Variants in PDIA4 observed in about 807,000 individuals in gnomAD.
The protein encoded by PDIA4 is protein disulfide isomerase family A member 4, also known as protein disulfide-isomerase A4.
In PDIA4, 33 loss-of-function variants were observed where a neutral mutation model predicts 62.1. The observed-to-expected ratio is 0.53, with a 90% CI of 0.40 to 0.71. PDIA4 has a LOEUF of 0.71. PDIA4 is among the 30% of genes least tolerant of loss of function. The pLI is 0.00. For missense variants in PDIA4, 804 were observed against 813.6 expected (o/e 0.99, Z 0.14); for synonymous variants, 341 against 324.1 (o/e 1.05, Z -0.56).
intron 1 of PDIA4, among the ~76,000 whole-genome samples, chr7:149,024,075 C>T (rs762435527): frequency 3.9e-5 from 6 of 152,086 alleles, no homozygotes; most frequent in African/African-American, 1.4e-4. Context: ...GGCAAAACCC[C>T]GTCTTTACTA....
chr7:149,012,938 G>A (rs1433401471), intron 4 of PDIA4, among the ~76,000 whole-genome samples: 3 of 152,084 alleles, frequency 2.0e-5, no homozygotes, highest in African/African-American at 4.8e-5. Flanking sequence ...TCAGTATTGC[G>A]TCACACAGCC....
chr7:149,014,421 C>G (rs1337833004), intron 4 of PDIA4, among the ~76,000 whole-genome samples: 1 of 152,146 alleles, frequency 6.6e-6, no homozygotes, highest in African/African-American at 2.4e-5. Flanking sequence ...ACAGATGGTA[C>G]CCTGGGCCGT....
intron 4 of PDIA4, among the ~76,000 whole-genome samples, chr7:149,012,629 G>T (rs1372928808): frequency 6.6e-6 from 1 of 152,134 alleles, no homozygotes; most frequent in Non-Finnish European, 1.5e-5. Context: ...TAGTAACTGC[G>T]GCACAGGGGA....
chr7:149,028,253 C>A (rs1180013715), intron 1 of PDIA4, 68 bp downstream of exon 1: 6 of 1,210,136 alleles, frequency 5.0e-6, no homozygotes, highest in Non-Finnish European at 4.5e-6. Context: ...GGTCGCAGGG[C>A]CCAGGCCCCC....
At position 149,028,364 on chromosome 7, in the gene PDIA4, C is replaced by T; in HGVS notation, c.45G>A (p.Leu15=). The change falls in exon 1 of 10, where the codon CTG becomes CTA. Residue 15 remains leucine, a synonymous_variant. Coordinates refer to ENST00000652332, the MANE Select transcript of PDIA4 (RefSeq NM_004911.5). ...KAFLLLLLLG[L]VQLLAVAGAE... ...CACCCGCCACGGCCAGCAGCTGCAC[C>T]AGCCCCAAGAGCAGCAGGAGCAGGA... is the stretch of plus-strand genomic sequence containing the variant. 1 of 1,527,558 alleles carries T rather than the reference C, an allele frequency of 6.5e-7. No homozygotes were observed. The highest frequency in any genetic ancestry group is 8.8e-7 in the Non-Finnish European group (1 of 1,138,806). 94.6% of individuals were successfully genotyped at this position (1,527,558 alleles called of 1,614,324 possible).
In PDIA4 at chr7:149,028,460, C is replaced by G. The variant is rs1375144312; in HGVS notation, c.-52G>C. 5 of 1,294,854 alleles carry G rather than the reference C, an allele frequency of 3.9e-6. No homozygotes were observed. The highest frequency in any genetic ancestry group is 4.1e-6 in the Non-Finnish European group (4 of 971,832). 80.2% of individuals were successfully genotyped at this position (1,294,854 alleles called of 1,614,324 possible). ...TAGCGTCGGCGGCCGCTGAGCGCAC[C>G]GAGAACTCGGGGTCTGGCCGACAGC... On this transcript the variant is annotated 5_prime_UTR_variant, in exon 1 of 10. Coordinates refer to ENST00000652332, the MANE Select transcript of PDIA4 (RefSeq NM_004911.5).
chr7:149,008,827 G>A (rs1823847487), intron 6 of PDIA4, among the ~76,000 whole-genome samples: 1 of 151,720 alleles, frequency 6.6e-6, no homozygotes, highest in African/African-American at 2.4e-5. Flanking sequence ...TTGGTACAAG[G>A]TATAACGTCT....
At chr7:149,020,016 A>G (rs1824287037) in intron 2 of PDIA4, among the ~76,000 whole-genome samples, 1 of 152,218 alleles carries the variant, frequency 6.6e-6, no homozygotes, top group Non-Finnish European at 1.5e-5. Context: ...GCTGGAGTGC[A>G]GTGGCACAAT....
rs761357910 is a variant in PDIA4 at position 149,003,878 on chromosome 7, C to G, written c.1854G>C (p.Glu618Asp). The change falls in exon 10 of 10, where the codon GAG (glutamate) becomes GAC (aspartate). Residue 618 changes from glutamate to aspartate, a missense_variant. Transcript: ENST00000652332. ...SGDKKNPVKF[E>D]GGDRDLEHLS... The stretch of plus-strand genomic sequence containing the variant: ...AATGCTCCAGATCTCTGTCTCCACC[C>G]TCAAATTTAACTGGGTTCTTTTTGT... The G allele has an allele frequency of 1.2e-6, 2 of 1,613,108 alleles. No homozygotes were observed. The highest frequency in any genetic ancestry group is 1.7e-5 in the Admixed American group (1 of 59,786).
At chr7:149,020,924 C>G (rs377733868) in intron 2 of PDIA4, 43 bp downstream of exon 2, 1 of 1,598,888 alleles carries the variant, frequency 6.3e-7, no homozygotes, top group South Asian at 1.1e-5. Flanking sequence ...GCGAATGGAG[C>G]ACAGCGCTTG....
intron 1 of PDIA4, among the ~76,000 whole-genome samples, chr7:149,023,780 T>A (rs1824440090): frequency 6.6e-6 from 1 of 152,068 alleles, no homozygotes; most frequent in Non-Finnish European, 1.5e-5. Flanking sequence ...CATAGACAAC[T>A]CCTTTACAGG....
chr7:149,020,085 C>T (rs368737807), intron 2 of PDIA4, among the ~76,000 whole-genome samples: 2 of 152,116 alleles, frequency 1.3e-5, no homozygotes, highest in Non-Finnish European at 2.9e-5. Context: ...CTCAGCCTCC[C>T]GAATAGCCGG....
chr7:149,025,785 AGAG>A (rs1207997873), intron 1 of PDIA4, among the ~76,000 whole-genome samples: 1 of 152,220 alleles, frequency 6.6e-6, no homozygotes, highest in Non-Finnish European at 1.5e-5. Context: ...AGGAATGAAA[AGAG>A]GAGGAGAGTT....
In PDIA4 at chr7:149,004,829, T is replaced by G. The variant is rs1823682439; in HGVS notation, c.1522+312A>C. On this transcript the variant is annotated intron_variant, in intron 9 of 9. Coordinates refer to ENST00000652332, the MANE Select transcript of PDIA4 (RefSeq NM_004911.5). The stretch of plus-strand genomic sequence containing the variant: ...ATGTGCTAAGGCCGCTGAGTGATGC[T>G]AGGTAAGCCCTGAGATGGACTCCGA... 2.0e-5 allele frequency among the ~76,000 whole-genome samples: 3 copies of G among 152,218 alleles called. No individual in the cohort carries two copies. The South Asian group carries it at 6.2e-4, about 31-fold the overall frequency.
chr7:149,008,689 C>T (rs550784407), intron 6 of PDIA4, among the ~76,000 whole-genome samples: 18 of 148,252 alleles, frequency 1.2e-4, no homozygotes, highest in African/African-American at 4.2e-4. Context: ...TCAGCCTGGG[C>T]GACAGAGTGA....
intron 4 of PDIA4, 92 bp from the exon 5 acceptor site, chr7:149,012,452 T>C (rs1823981581): frequency 5.4e-6 from 6 of 1,105,784 alleles, no homozygotes; most frequent in South Asian, 5.4e-5. Flanking sequence ...CTGTGCTCCC[T>C]AGTAACCTGG....
chr7:149,018,117 T>G (rs941508811), intron 3 of PDIA4, among the ~76,000 whole-genome samples: 1 of 151,888 alleles, frequency 6.6e-6, no homozygotes, highest in African/African-American at 2.4e-5. Context: ...TAGTCCCAGC[T>G]ACTCAGGAGC....
At chr7:149,015,072 C>G in intron 3 of PDIA4, 30 bp from the exon 4 acceptor site, 1 of 1,612,702 alleles carries the variant, frequency 6.2e-7, no homozygotes, top group African/African-American at 1.3e-5. Flanking sequence ...ACTGAGCACA[C>G]AAGGCCCAAA....
At chr7:149,018,679 G>C (rs1245660148) in intron 3 of PDIA4, among the ~76,000 whole-genome samples, 1 of 152,086 alleles carries the variant, frequency 6.6e-6, no homozygotes, top group African/African-American at 2.4e-5. Flanking sequence ...TGATCCAGCT[G>C]CCTTGGCCTC....
Sources: allele counts gnomAD v4.1 joint callset (sites outside exome capture counted in the v4.1 genomes callset), GRCh38; gene constraint gnomAD v4.1.1; transcripts MANE v1.5; gene names NCBI Gene and HGNC (gene_info 2026-07-23, HGNC 2026-07-21).